The following ZNF83 variants were observed in gnomAD, a reference collection of about 807,000 sequenced individuals.
ZNF83 encodes zinc finger protein 816B.
For synonymous variants in ZNF83, 209 were observed against 213.0 expected (o/e 0.98, Z 0.17); for missense variants, 552 against 629.9 (o/e 0.88, Z 1.32).
chr19:52,643,441 C>T (rs1019110553), intron 3 of ZNF83, among the ~76,000 whole-genome samples: 1 of 151,848 alleles, frequency 6.6e-6, no homozygotes, highest in Admixed American at 6.6e-5. Context: ...GTGGCTCACT[C>T]CTGTAATCCT....
chr19:52,684,894 C>T (rs2147366945), intron 1 of ZNF83, among the ~76,000 whole-genome samples: 2 of 152,236 alleles, frequency 1.3e-5, no homozygotes, highest in South Asian at 4.1e-4. Flanking sequence ...GGCTGTGGAG[C>T]CACAGTGAGG....
intron 2 of ZNF83, among the ~76,000 whole-genome samples, chr19:52,658,188 A>G (rs889752782): frequency 7.2e-5 from 11 of 151,970 alleles, no homozygotes; most frequent in African/African-American, 2.7e-4. Flanking sequence ...AACAAAGAAT[A>G]AAGAAAAATG....
intron 1 of ZNF83, among the ~76,000 whole-genome samples, chr19:52,671,258 G>C (rs1484172090): frequency 2.0e-5 from 3 of 152,016 alleles, no homozygotes; most frequent in Non-Finnish European, 4.4e-5. Flanking sequence ...AAAAAAATCA[G>C]AGCTTACACC....
chr19:52,619,611 G>C (rs898873830), intron 2 of ZNF83, among the ~76,000 whole-genome samples: 8 of 149,644 alleles, frequency 5.3e-5, no homozygotes, highest in African/African-American at 1.5e-4. Context: ...GGGCAACAGA[G>C]TGAGACTCCA....
At chr19:52,646,714 C>T (rs475188) in intron 3 of ZNF83, among the ~76,000 whole-genome samples, 5 of 151,930 alleles carry the variant, frequency 3.3e-5, no homozygotes, top group Admixed American at 3.3e-4. Flanking sequence ...TACATCCCCC[C>T]CAACTACACA....
At chr19:52,619,244 A>G (rs959870962) in intron 2 of ZNF83, among the ~76,000 whole-genome samples, 2 of 152,176 alleles carry the variant, frequency 1.3e-5, no homozygotes, top group Non-Finnish European at 2.9e-5. Context: ...TGAAGAGGTC[A>G]TAATACCCTC....
At chr19:52,663,879 A>C (rs990539060) in intron 1 of ZNF83, among the ~76,000 whole-genome samples, 1 of 152,158 alleles carries the variant, frequency 6.6e-6, no homozygotes, top group Non-Finnish European at 1.5e-5. Context: ...AGAAGCAGTT[A>C]TTTATTTTAC....
chr19:52,631,105 G>A (rs374623526), intron 2 of ZNF83, among the ~76,000 whole-genome samples: 13,791 of 113,700 alleles, frequency 0.12, 769 homozygotes, highest in Middle Eastern at 0.19. Flanking sequence ...ACACCCATTA[G>A]GCTCAGCAAA....
At chr19:52,630,020 A>T (rs887129774) in intron 2 of ZNF83, among the ~76,000 whole-genome samples, 3 of 152,190 alleles carry the variant, frequency 2.0e-5, no homozygotes, top group Admixed American at 6.5e-5. Flanking sequence ...GCATTCCTCC[A>T]GAACCTCCTC....
At chr19:52,637,304 A>C (rs965335051) in intron 1 of ZNF83, among the ~76,000 whole-genome samples, 6 of 151,886 alleles carry the variant, frequency 4.0e-5, no homozygotes, top group Non-Finnish European at 5.9e-5. Flanking sequence ...CAATATGTGG[A>C]ACCACAGATC....
intron 1 of ZNF83, chr19:52,635,992 C>CAAAAAAAA (rs35467334): frequency 7.2e-6 from 1 of 137,968 alleles, no homozygotes. Flanking sequence ...AATTCCAACT[C>CAAAAAAAA]AAAAAAAAAA....
chr19:52,688,969 AAAAG>A (rs2062096443), intron 1 of ZNF83, among the ~76,000 whole-genome samples: 1 of 130,760 alleles, frequency 7.6e-6, no homozygotes, highest in Non-Finnish European at 1.6e-5. Context: ...AAAAAAAAAA[AAAAG>A]AGAGAGATTA....
intron 3 of ZNF83, chr19:52,654,548 C>T (rs2061482298): frequency 2.3e-6 from 1 of 430,850 alleles, no homozygotes; most frequent in Non-Finnish European, 4.0e-6. Context: ...AACACCCTGT[C>T]TCTATTAAAA....
At chr19:52,614,137 T>C (rs1315543830) in exon 3 of ZNF83, 1 of 1,614,202 alleles carries the variant, frequency 6.2e-7, no homozygotes, top group Non-Finnish European at 8.5e-7. Flanking sequence ...CTCTCCAGTA[T>C]GAATTCTTTG....
At chr19:52,680,728 T>C (rs2061899134) in intron 1 of ZNF83, among the ~76,000 whole-genome samples, 1 of 138,846 alleles carries the variant, frequency 7.2e-6, no homozygotes, top group Non-Finnish European at 1.5e-5. Flanking sequence ...TTCTCCTGCC[T>C]CAGCCTCCCG....
intron 2 of ZNF83, chr19:52,617,954 CACT>C (rs2060378322): frequency 6.6e-6 from 1 of 152,282 alleles, no homozygotes; most frequent in Non-Finnish European, 1.5e-5. Flanking sequence ...CAAATTCCTC[CACT>C]GACTGCCTCC....
chr19:52,643,977 T>C (rs1309581954), intron 3 of ZNF83, among the ~76,000 whole-genome samples: 1 of 152,092 alleles, frequency 6.6e-6, no homozygotes, highest in African/African-American at 2.4e-5. Context: ...AGCTGGACAC[T>C]GGCAGGGGCC....
chr19:52,687,522 T>A lies in ZNF83; in HGVS notation c.-283+2921A>T, dbSNP rs371016336. On this transcript the variant is annotated intron_variant, in intron 1 of 5. Coordinates refer to the ZNF83 transcript ENST00000594682. ...TAGATATATAAATTATATATAAATT[T>A]TATATATAAATTATATATATAAATT... 6.3e-4 allele frequency among the ~76,000 whole-genome samples: 11 copies of A among 17,532 alleles called. 3 individuals carry two copies. Among genetic ancestry groups the A allele is most frequent in the East Asian group, 1.2e-3 (1 of 866 alleles). 11.5% of individuals were successfully genotyped at this position (17,532 alleles called of 152,430 possible). A position where few individuals can be genotyped will look rare whatever the true frequency, so the allele number is the denominator to read the frequency against.
chr19:52,637,100 T>TC (rs748820706), intron 1 of ZNF83: 1 of 152,148 alleles, frequency 6.6e-6, no homozygotes, highest in Non-Finnish European at 1.5e-5. Flanking sequence ...CTGCTGTTTA[T>TC]CCCCTTCTTC....
Sources: allele counts gnomAD v4.1 joint callset (sites outside exome capture counted in the v4.1 genomes callset), GRCh38; gene constraint gnomAD v4.1.1; transcripts MANE v1.5; gene names NCBI Gene and HGNC (gene_info 2026-07-23, HGNC 2026-07-21).